The following CNTNAP5 variants were observed in gnomAD, a reference collection of about 807,000 sequenced individuals.
The protein encoded by CNTNAP5 is contactin associated protein family member 5.
CNTNAP5 carries 72 observed loss-of-function variants against 150.2 expected under a neutral mutation model. That is an observed-to-expected ratio of 0.48 (90% CI 0.40 to 0.58). The LOEUF is 0.58. Among genes scored for constraint, CNTNAP5 ranks in the 20% least tolerant of loss-of-function variants. The pLI, the probability that CNTNAP5 is intolerant of heterozygous loss-of-function variation, is 0.00. For missense variants in CNTNAP5, 1,636 were observed against 1,626.2 expected (o/e 1.01, Z -0.10); for synonymous variants, 672 against 619.8 (o/e 1.08, Z -1.25).
rs367937965 is a variant in CNTNAP5, at chr2:124,527,444, G to C, written c.1637G>C (p.Ser546Thr). 1 of 1,612,106 alleles carries C rather than the reference G, an allele frequency of 6.2e-7. No individual in the cohort carries two copies. Residue 546 changes from serine (S) to threonine (T), a missense_variant, in exon 10 of 24, where the codon AGC (serine) becomes ACC (threonine). Transcript: ENST00000682447. ...AGTGATTTACACATTGATCTGTGTA[G>C]CATCAAAGACAGGTAATTATTGTCT... ...NFSDLHIDLC[S>T]IKDRCLPNYC...
At chr2:124,754,421 G>A (rs878864733) in intron 14 of CNTNAP5, among the ~76,000 whole-genome samples, 1 of 152,066 alleles carries the variant, frequency 6.6e-6, no homozygotes, top group African/African-American at 2.4e-5. Flanking sequence ...CTCGGTCCCT[G>A]AATTCCCAGA....
chr2:124,110,161 G>C (rs1386112962), intron 1 of CNTNAP5, among the ~76,000 whole-genome samples: 1 of 152,188 alleles, frequency 6.6e-6, no homozygotes, highest in Non-Finnish European at 1.5e-5. Flanking sequence ...TTCTTTTGCT[G>C]TGAGCTCAGT....
chr2:124,674,522 T>C (rs1405206124), intron 13 of CNTNAP5, among the ~76,000 whole-genome samples: 10 of 134,996 alleles, frequency 7.4e-5, no homozygotes, highest in African/African-American at 2.9e-4. Flanking sequence ...TTTCTTTCTT[T>C]CTTTCTTTCT....
chr2:124,429,699 AG>A (rs1418811877), intron 4 of CNTNAP5, among the ~76,000 whole-genome samples: 3 of 152,172 alleles, frequency 2.0e-5, no homozygotes, highest in African/African-American at 7.2e-5. Flanking sequence ...TGCTTACTAA[AG>A]GCCGTGCATC....
chr2:124,312,720 G>A (rs775486458), intron 3 of CNTNAP5, among the ~76,000 whole-genome samples: 2 of 152,168 alleles, frequency 1.3e-5, no homozygotes, highest in Non-Finnish European at 2.9e-5. Context: ...ACAGGCGCTC[G>A]CCACAGCACC....
At chr2:124,230,168 T>C (rs1026831310) in intron 2 of CNTNAP5, among the ~76,000 whole-genome samples, 2 of 152,134 alleles carry the variant, frequency 1.3e-5, no homozygotes, top group Non-Finnish European at 2.9e-5. Flanking sequence ...CCACCCCCCA[T>C]ACCACTTCCT....
intron 3 of CNTNAP5, among the ~76,000 whole-genome samples, chr2:124,280,370 A>T (rs1019949543): frequency 1.9e-4 from 29 of 151,980 alleles, no homozygotes; most frequent in Non-Finnish European, 3.8e-4. Flanking sequence ...GGGTTTCACC[A>T]TGTAGGCCAG....
intron 1 of CNTNAP5, among the ~76,000 whole-genome samples, chr2:124,131,487 C>G (rs2104602959): frequency 6.6e-6 from 1 of 152,302 alleles, no homozygotes; most frequent in Non-Finnish European, 1.5e-5. Context: ...GGGATTCAAT[C>G]TCAAGTTTAT....
At chr2:124,617,513 G>A (rs543089616) in intron 12 of CNTNAP5, among the ~76,000 whole-genome samples, 2 of 152,110 alleles carry the variant, frequency 1.3e-5, no homozygotes, top group East Asian at 3.9e-4. Context: ...ATGTTGTCAC[G>A]TGGCCTTCTC....
chr2:124,251,011 GA>G (rs1687159443), intron 3 of CNTNAP5, among the ~76,000 whole-genome samples: 2 of 152,052 alleles, frequency 1.3e-5, no homozygotes, highest in Admixed American at 6.6e-5. Context: ...TAAAAGTAGA[GA>G]GTGCAAACAA....
rs147769969 is a variant in CNTNAP5, at chr2:124,586,682, G to A, written c.1757-23119G>A. ...GTTATCCATGGGGAGGGTGTGTCAA[G>A]AGTGAAGTATCACAGCAATCTAAAG... On this transcript the variant is annotated intron_variant, in intron 11 of 23. Coordinates refer to ENST00000682447, the MANE Select transcript of CNTNAP5 (RefSeq NM_001367498.1). 9.2e-5 allele frequency among the ~76,000 whole-genome samples: 14 copies of A among 152,264 alleles called. No individual in the cohort carries two copies. In the East Asian group the frequency reaches 2.5e-3, roughly 27 times the overall value.
At chr2:124,848,004 T>A (rs1189242381) in intron 19 of CNTNAP5, among the ~76,000 whole-genome samples, 3 of 152,206 alleles carry the variant, frequency 2.0e-5, no homozygotes, top group Non-Finnish European at 4.4e-5. Context: ...AAATGTTTAC[T>A]TGACTAATAA....
chr2:124,540,110 G>C (rs968151414), intron 10 of CNTNAP5, among the ~76,000 whole-genome samples: 2 of 152,188 alleles, frequency 1.3e-5, no homozygotes, highest in East Asian at 3.8e-4. Flanking sequence ...CTCTAAACTC[G>C]TGTGAGGTCT....
intron 1 of CNTNAP5, among the ~76,000 whole-genome samples, chr2:124,153,979 C>A (rs1043997141): frequency 2.0e-5 from 3 of 151,952 alleles, no homozygotes; most frequent in African/African-American, 7.3e-5. Context: ...CCCGCATGAC[C>A]TAATCACATC....
At chr2:124,127,697 G>A (rs375372035) in intron 1 of CNTNAP5, among the ~76,000 whole-genome samples, 1 of 152,116 alleles carries the variant, frequency 6.6e-6, no homozygotes, top group East Asian at 1.9e-4. Flanking sequence ...GCATGGTACT[G>A]GTACCAAAAC....
chr2:124,821,399 A>G (rs1682489302), intron 19 of CNTNAP5, among the ~76,000 whole-genome samples: 1 of 152,002 alleles, frequency 6.6e-6, no homozygotes, highest in South Asian at 2.1e-4. Context: ...CACCTGAAAG[A>G]CTCCTTGAAA....
intron 11 of CNTNAP5, among the ~76,000 whole-genome samples, chr2:124,568,830 G>C (rs764256208): frequency 5.9e-5 from 9 of 152,164 alleles, no homozygotes; most frequent in Non-Finnish European, 1.0e-4. Flanking sequence ...CAGATCATGA[G>C]GTCAGGAGAT....
At position 124,686,990 on chromosome 2, in the gene CNTNAP5, G is replaced by GTACAC. The variant is rs58790058; in HGVS notation, c.2077+39032_2077+39033insTACAC. ...CAATATGGCAGCCACTAGCCCTGTG[G>GTACAC]GTGTAGAGCACTTGAAATGCAGTCA... On this transcript the variant is annotated intron_variant, in intron 13 of 23. Coordinates refer to ENST00000682447, the MANE Select transcript of CNTNAP5 (RefSeq NM_001367498.1). Among the ~76,000 whole-genome samples, 899 of 152,202 alleles carry GTACAC rather than the reference G, an allele frequency of 5.9e-3. 9 individuals carry two copies. The highest frequency in any genetic ancestry group is 0.021 in the African/African-American group (862 of 41,538).
intron 14 of CNTNAP5, among the ~76,000 whole-genome samples, chr2:124,748,069 G>T (rs1680647791): frequency 6.6e-6 from 1 of 151,902 alleles, no homozygotes; most frequent in African/African-American, 2.4e-5. Context: ...GAGAGAGATA[G>T]GGATGTGGGG....
Sources: gnomAD v4.1 joint callset for allele counts (sites outside exome capture counted in the v4.1 genomes callset) on GRCh38, gnomAD v4.1.1 for gene constraint, MANE v1.5 for transcripts, NCBI Gene and HGNC (gene_info 2026-07-23, HGNC 2026-07-21) for gene names.